Variants in RGS12 observed in about 807,000 individuals in gnomAD.
The protein encoded by RGS12 is regulator of G-protein signaling 12.
Under a neutral mutation model 120.1 loss-of-function variants are expected in RGS12, and 66 were observed. The ratio of observed to expected loss-of-function variants is 0.55; its 90% CI spans 0.45 to 0.67. The LOEUF is 0.67. RGS12 is among the 30% of genes least tolerant of loss of function. The pLI is 0.00. For missense variants in RGS12, 1,859 were observed against 1,957.7 expected (o/e 0.95, Z 0.95); for synonymous variants, 827 against 804.7 (o/e 1.03, Z -0.47).
chr4:3,392,305 A>C (rs867108975), intron 4 of RGS12, among the ~76,000 whole-genome samples: 3 of 152,196 alleles, frequency 2.0e-5, no homozygotes, highest in African/African-American at 7.2e-5. Context: ...GTTTTCAGCA[A>C]TTTGATTATG....
intron 1 of RGS12, among the ~76,000 whole-genome samples, chr4:3,301,777 G>A (rs760968540): frequency 4.6e-5 from 7 of 152,062 alleles, no homozygotes; most frequent in Non-Finnish European, 8.8e-5. Flanking sequence ...GGTGGGGGGC[G>A]CAGAGGTGAC....
chr4:3,420,694 G>T lies in RGS12; in HGVS notation c.2814G>T (p.Val938=), dbSNP rs758730790. ...GTCGCCGAGAGTCGCAGGGCTCTGT[G>T]TCCTCTGCGGGGAGCCTGGACCTGG... ...GLCRRESQGS[V]SSAGSLDLSE... The change falls in exon 10 of 18, where the codon GTG becomes GTT. Residue 938 remains valine (V), a synonymous_variant. Transcript: ENST00000336727. 8.7e-6 allele frequency: 14 copies of T among 1,612,878 alleles called. No individual in the cohort carries two copies. The South Asian group carries it at 1.2e-4, about 14-fold the overall frequency.
At chr4:3,393,151 C>T (rs1046621612) in intron 4 of RGS12, among the ~76,000 whole-genome samples, 12 of 152,166 alleles carry the variant, frequency 7.9e-5, no homozygotes, top group African/African-American at 2.7e-4. Flanking sequence ...CAGTTCTTGA[C>T]TGAGTGCTGA....
chr4:3,424,019 C>T (rs981505658), intron 13 of RGS12, among the ~76,000 whole-genome samples: 2 of 152,266 alleles, frequency 1.3e-5, no homozygotes, highest in Non-Finnish European at 2.9e-5. Flanking sequence ...GCATTGTGCT[C>T]ATGCCCCCAG....
chr4:3,335,668 G>A (rs994510844), intron 2 of RGS12, among the ~76,000 whole-genome samples: 4 of 152,206 alleles, frequency 2.6e-5, no homozygotes, highest in African/African-American at 9.6e-5. Context: ...TGGATGGGCT[G>A]GGTGCCATGG....
chr4:3,428,818 C>A, intron 16 of RGS12, 107 bp downstream of exon 16: 1 of 973,688 alleles, frequency 1.0e-6, no homozygotes, highest in Non-Finnish European at 1.5e-6. Flanking sequence ...GACTGCGGTC[C>A]GTCCCTGTGG....
intron 3 of RGS12, among the ~76,000 whole-genome samples, chr4:3,380,771 G>T (rs975572354): frequency 6.6e-6 from 1 of 152,170 alleles, no homozygotes; most frequent in South Asian, 2.1e-4. Context: ...GAGCAGGGAG[G>T]CCTTGGGTCC....
At chr4:3,286,815 A>T in the RGS12 span, among the ~76,000 whole-genome samples, 1 of 152,232 alleles carries the variant, frequency 6.6e-6, no homozygotes, top group African/African-American at 2.4e-5. Flanking sequence ...TGAGAGGGTC[A>T]GAGAGCCCCC....
intron 3 of RGS12, among the ~76,000 whole-genome samples, chr4:3,384,841 C>G (rs1275916460): frequency 1.3e-5 from 2 of 152,152 alleles, no homozygotes; most frequent in African/African-American, 4.8e-5. Flanking sequence ...TGGTGTAGGT[C>G]GCAGGGCCAG....
chr4:3,377,421 A>T (rs1438718888), intron 3 of RGS12, among the ~76,000 whole-genome samples: 1 of 152,200 alleles, frequency 6.6e-6, no homozygotes, highest in Non-Finnish European at 1.5e-5. Context: ...TTTGTATTGA[A>T]AACATTTAGT....
chr4:3,338,163 C>T (rs1281294973), intron 2 of RGS12, among the ~76,000 whole-genome samples: 9 of 152,204 alleles, frequency 5.9e-5, no homozygotes, highest in Admixed American at 2.0e-4. Context: ...CAGGTTCAAG[C>T]GATTCTCCTG....
intron 1 of RGS12, among the ~76,000 whole-genome samples, chr4:3,303,320 G>C (rs930785041): frequency 5.3e-5 from 8 of 152,194 alleles, no homozygotes; most frequent in Non-Finnish European, 1.5e-5. Context: ...GCCTCGGTAC[G>C]GCGACCTAGG....
At chr4:3,370,150 G>A in intron 3 of RGS12, 7 of 1,543,772 alleles carry the variant, frequency 4.5e-6, no homozygotes, top group South Asian at 2.5e-5. Context: ...CATGGGTTAC[G>A]AAGGGAGCGA....
At chr4:3,313,154 G>A (rs1724514553) in intron 1 of RGS12, 1 of 152,260 alleles carries the variant, frequency 6.6e-6, no homozygotes, top group African/African-American at 2.4e-5. Context: ...GACAGTAAGA[G>A]TCTAGTAGAA....
chr4:3,417,482 C>T lies in RGS12; in HGVS notation c.2702C>T (p.Ser901Leu), dbSNP rs1317280858. ...KKRKGAFFSW[S>L]RTRSTGRSQK... ...CGGAAAGGCGCGTTTTTCTCGTGGT[C>T]GCGGACCAGGAGCACCGGGAGGTCC... The change falls in exon 9 of 18, where the codon TCG becomes TTG. Residue 901 changes from serine to leucine, a missense_variant. Ser to Leu is a moderately radical substitution (Grantham distance 145). This residue lies in a region of RGS12 where 375 missense variants were observed against 475.0 expected (regional missense o/e 0.79). Coordinates refer to ENST00000336727, the MANE Select transcript of RGS12 (RefSeq NM_001394154.1). 1.9e-6 allele frequency: 3 copies of T among 1,613,254 alleles called. No individual in the cohort carries two copies. The highest frequency in any genetic ancestry group is 2.5e-6 in the Non-Finnish European group (3 of 1,179,846).
At chr4:3,367,268 C>A (rs930446414) in intron 3 of RGS12, among the ~76,000 whole-genome samples, 1 of 152,270 alleles carries the variant, frequency 6.6e-6, no homozygotes, top group Non-Finnish European at 1.5e-5. Flanking sequence ...CTGGGATCCG[C>A]GGTGGGCCTG....
intron 17 of RGS12, among the ~76,000 whole-genome samples, chr4:3,435,568 G>A (rs1370862879): frequency 3.0e-5 from 3 of 99,218 alleles, no homozygotes; most frequent in Non-Finnish European, 6.2e-5. Flanking sequence ...CCAGAGCCCC[G>A]TCTCCCCAGA....
At chr4:3,404,116 C>T (rs367717424) in intron 4 of RGS12, among the ~76,000 whole-genome samples, 96 of 152,288 alleles carry the variant, frequency 6.3e-4, no homozygotes, top group Middle Eastern at 3.4e-3. Flanking sequence ...ATGTGTTAGC[C>T]TTTGTTACAA....
intron 1 of RGS12, among the ~76,000 whole-genome samples, chr4:3,297,764 C>T (rs1356448185): frequency 2.0e-5 from 3 of 152,190 alleles, no homozygotes; most frequent in Admixed American, 6.5e-5. Context: ...AGACCTGCTG[C>T]GCCGCTGTCA....
Sources: gnomAD v4.1 joint callset for allele counts (sites outside exome capture counted in the v4.1 genomes callset) on GRCh38, gnomAD v4.1.1 for gene constraint, gnomAD v4.1.1 regional missense constraint, MANE v1.5 for transcripts, NCBI Gene and HGNC (gene_info 2026-07-23, HGNC 2026-07-21) for gene names.